The following HAT1 variants were observed in gnomAD, a reference collection of about 807,000 sequenced individuals.
The protein encoded by HAT1 is histone acetyltransferase type B catalytic subunit.
A neutral mutation model predicts 56.6 loss-of-function variants in HAT1; 20 were observed. That is an observed-to-expected ratio of 0.35 (90% CI 0.25 to 0.51). HAT1 has a LOEUF of 0.51. HAT1 is among the 20% of genes least tolerant of loss of function. The probability of loss-of-function intolerance (pLI) is 0.95; values close to 1 mark genes in which losing one functional copy is unlikely to be tolerated. For synonymous variants in HAT1, 146 were observed against 165.5 expected (o/e 0.88, Z 0.91); for missense variants, 408 against 504.3 (o/e 0.81, Z 1.83).
chr2:171,963,728 C>T (rs10177679), intron 4 of HAT1, among the ~76,000 whole-genome samples: 24,131 of 152,054 alleles, frequency 0.16, 2,528 homozygotes, highest in African/African-American at 0.28. Context: ...CTCATTATGA[C>T]AGTTTCCTTG....
intron 2 of HAT1, among the ~76,000 whole-genome samples, chr2:171,929,031 G>A (rs1406672305): frequency 6.6e-6 from 1 of 152,150 alleles, no homozygotes; most frequent in Non-Finnish European, 1.5e-5. Context: ...GACTTCCAAA[G>A]TACTTTTATA....
chr2:171,976,264 G>A lies in HAT1; in HGVS notation c.931G>A (p.Glu311Lys). 8 of 1,596,948 alleles carry A rather than the reference G, an allele frequency of 5.0e-6. No individual in the cohort carries two copies. The highest frequency in any genetic ancestry group is 6.8e-6 in the Non-Finnish European group (8 of 1,170,336). Residue 311 changes from glutamate to lysine, a missense_variant, in exon 9 of 11, where the codon GAA (glutamate) becomes AAA (lysine). Physicochemically the swap from Glu to Lys is moderately conservative, Grantham distance 56 (BLOSUM62 1). Transcript: ENST00000264108. Reference protein sequence around the residue: ...SREKLMQGFNEDMVIEAQQKF... With the variant: ...SREKLMQGFNKDMVIEAQQKF... ...GGAAAAATTAATGCAAGGATTCAAT[G>A]AAGATATGGTGATAGAGGCACAACA... is the stretch of plus-strand genomic sequence containing the variant.
intron 2 of HAT1, among the ~76,000 whole-genome samples, chr2:171,931,492 G>A: frequency 6.6e-6 from 1 of 152,104 alleles, no homozygotes; most frequent in East Asian, 1.9e-4. Context: ...TGGTCAACAT[G>A]GTGAAATTCC....
At chr2:171,931,638 C>A (rs1460107439) in intron 2 of HAT1, among the ~76,000 whole-genome samples, 2 of 151,844 alleles carry the variant, frequency 1.3e-5, no homozygotes, top group African/African-American at 4.8e-5. Context: ...TGTGCCACTG[C>A]ACTCCAGCCT....
At chr2:171,939,976 G>T (rs921749403) in intron 2 of HAT1, among the ~76,000 whole-genome samples, 30 of 151,816 alleles carry the variant, frequency 2.0e-4, no homozygotes, top group Admixed American at 1.2e-3. Context: ...TCACTGTATT[G>T]CTCAGGCTAG....
At chr2:171,926,934 A>G (rs757192028) in intron 2 of HAT1, among the ~76,000 whole-genome samples, 2 of 152,258 alleles carry the variant, frequency 1.3e-5, no homozygotes, top group Non-Finnish European at 2.9e-5. Flanking sequence ...AATAAAGTAT[A>G]GTATAGCTAT....
chr2:171,936,542 T>A (rs1412486142), intron 2 of HAT1, among the ~76,000 whole-genome samples: 1 of 152,184 alleles, frequency 6.6e-6, no homozygotes, highest in African/African-American at 2.4e-5. Flanking sequence ...TACTGTATAA[T>A]ACAGGGATGA....
At chr2:171,932,820 G>A (rs759736304) in intron 2 of HAT1, among the ~76,000 whole-genome samples, 33 of 152,260 alleles carry the variant, frequency 2.2e-4, no homozygotes, top group Non-Finnish European at 2.9e-4. Context: ...AGTGAGCTGC[G>A]ATCATCTCAC....
intron 2 of HAT1, among the ~76,000 whole-genome samples, chr2:171,938,461 T>C (rs1046751542): frequency 3.9e-5 from 6 of 152,152 alleles, no homozygotes; most frequent in Admixed American, 1.3e-4. Flanking sequence ...ATAATGAAAT[T>C]ATTATACACC....
rs1266882008 is a variant in HAT1, at chr2:171,965,424, G to A, written c.396G>A (p.Lys132=). 2 of 1,611,156 alleles carry A rather than the reference G, an allele frequency of 1.2e-6. No individual in the cohort carries two copies. Among genetic ancestry groups the A allele is most frequent in the African/African-American group, 2.7e-5 (2 of 74,854 alleles). The change falls in exon 5 of 11, where the codon AAG becomes AAA. Residue 132 remains lysine, a synonymous_variant. Transcript: ENST00000264108. The stretch of plus-strand genomic sequence containing the variant: ...ATGATTTCCTTTCTTTACTGGAAAA[G>A]GAAGTTGATTTCAAGCCATTCGGAA... The part of the protein sequence containing the change: ...NTNDFLSLLE[K]EVDFKPFGTL...
chr2:171,922,529 A>G (rs778448576), intron 1 of HAT1, 22 bp downstream of exon 1: 1 of 1,316,672 alleles, frequency 7.6e-7, no homozygotes, highest in South Asian at 3.0e-5. Context: ...GGAAAAGTTT[A>G]CCAAGGGGAG....
At chr2:171,967,998 A>G (rs1687723986) in intron 8 of HAT1, among the ~76,000 whole-genome samples, 1 of 151,182 alleles carries the variant, frequency 6.6e-6, no homozygotes, top group Admixed American at 6.6e-5. Flanking sequence ...AATCCAAGGT[A>G]AATAAAATTG....
At chr2:171,936,862 G>GA (rs1373023360) in intron 2 of HAT1, among the ~76,000 whole-genome samples, 3 of 152,178 alleles carry the variant, frequency 2.0e-5, no homozygotes, top group Non-Finnish European at 4.4e-5. Context: ...AATACAATTA[G>GA]ATACTATACC....
intron 2 of HAT1, among the ~76,000 whole-genome samples, chr2:171,929,434 T>A (rs1686682217): frequency 6.6e-6 from 1 of 152,222 alleles, no homozygotes; most frequent in Non-Finnish European, 1.5e-5. Flanking sequence ...GTTCATATTC[T>A]CAACTTTTTT....
At chr2:171,978,463 A>G (rs1224491885) in intron 9 of HAT1, among the ~76,000 whole-genome samples, 1 of 152,124 alleles carries the variant, frequency 6.6e-6, no homozygotes, top group East Asian at 1.9e-4. Context: ...TCTTACCTAT[A>G]TACTGACATT....
intron 1 of HAT1, among the ~76,000 whole-genome samples, chr2:171,925,222 G>A (rs1009218579): frequency 4.0e-5 from 6 of 151,864 alleles, no homozygotes; most frequent in Admixed American, 6.6e-5. Context: ...ACAGGCGCCC[G>A]TCACCGTGCC....
intron 4 of HAT1, among the ~76,000 whole-genome samples, chr2:171,962,119 A>G (rs1376822487): frequency 6.6e-6 from 1 of 152,084 alleles, no homozygotes; most frequent in African/African-American, 2.4e-5. Context: ...CATTAAAAAA[A>G]TAGATTACTA....
At chr2:171,976,554 G>A (rs1687971391) in intron 9 of HAT1, among the ~76,000 whole-genome samples, 2 of 152,068 alleles carry the variant, frequency 1.3e-5, no homozygotes, top group South Asian at 4.1e-4. Context: ...AAGATAATAG[G>A]TGTTATTGCT....
In HAT1 at chr2:171,979,360, T is replaced by C; in HGVS notation, c.1089T>C (p.Tyr363=). 7.0e-7 allele frequency: 1 copy of C among 1,430,418 alleles called. No individual in the cohort carries two copies. Among genetic ancestry groups the C allele is most frequent in the Non-Finnish European group, 9.9e-7 (1 of 1,012,276 alleles). 88.6% of individuals were successfully genotyped at this position (1,430,418 alleles called of 1,614,324 possible). A position where few individuals can be genotyped will look rare whatever the true frequency, so the allele number is the denominator to read the frequency against. Residue 363 remains tyrosine (Y), a synonymous_variant, in exon 10 of 11, where the codon TAT becomes TAC. Coordinates refer to ENST00000264108, the MANE Select transcript of HAT1 (RefSeq NM_003642.4). ...TTAAAAGAAGACTAATTAGCCCATA[T>C]AAGGTAGGACTTTCAAGAATCTTAA... is the stretch of plus-strand genomic sequence containing the variant. The part of the protein sequence containing the change: ...LDIKRRLISP[Y]KKKQRDLAKM...
Sources: allele counts gnomAD v4.1 joint callset (sites outside exome capture counted in the v4.1 genomes callset), GRCh38; gene constraint gnomAD v4.1.1; transcripts MANE v1.5; gene names NCBI Gene and HGNC (gene_info 2026-07-23, HGNC 2026-07-21).